Variants in DNAH6 observed in about 807,000 individuals in gnomAD.
The protein encoded by DNAH6 is axonemal beta dynein heavy chain 6.
A neutral mutation model predicts 491.4 loss-of-function variants in DNAH6; 340 were observed. That is an observed-to-expected ratio of 0.69 (90% CI 0.63 to 0.76). The LOEUF is 0.76. Ranked by LOEUF, DNAH6 falls within the 30% of genes least tolerant of loss-of-function variation. The probability of loss-of-function intolerance (pLI) is 0.00; values close to 1 mark genes in which losing one functional copy is unlikely to be tolerated. For synonymous variants in DNAH6, 1,603 were observed against 1,686.1 expected (o/e 0.95, Z 1.21); for missense variants, 4,443 against 4,972.2 (o/e 0.89, Z 3.20).
chr2:84,727,760 A>G lies in DNAH6; in HGVS notation c.10064A>G (p.Tyr3355Cys), dbSNP rs1698775003. The part of the protein sequence containing the change: ...VLLEQTLLTA[Y>C]VNVSRGLFEQ... ...CTAGAACAAACTCTCCTAACTGCTTATGTCAATGTTTCAAGAGGACTTTTT... is the reference window on the plus strand; with the variant it reads ...CTAGAACAAACTCTCCTAACTGCTTGTGTCAATGTTTCAAGAGGACTTTTT... The change falls in exon 61 of 77, where the codon TAT (tyrosine) becomes TGT (cysteine). Residue 3355 changes from tyrosine to cysteine, a missense_variant. Tyr to Cys is a radical substitution (Grantham distance 194). Coordinates refer to ENST00000389394, the MANE Select transcript of DNAH6 (RefSeq NM_001370.2). 1.9e-6 allele frequency: 3 copies of G among 1,551,464 alleles called. No homozygotes were observed. Among genetic ancestry groups the G allele is most frequent in the South Asian group, 1.2e-5 (1 of 84,046 alleles).
At chr2:84,545,773 A>G (rs374149775) in intron 5 of DNAH6, among the ~76,000 whole-genome samples, 28 of 152,314 alleles carry the variant, frequency 1.8e-4, no homozygotes, top group African/African-American at 6.7e-4. Context: ...ATTTATAATT[A>G]GTTAACTAGG....
intron 68 of DNAH6, among the ~76,000 whole-genome samples, chr2:84,792,661 A>C (rs553247720): frequency 6.6e-6 from 1 of 152,218 alleles, no homozygotes; most frequent in African/African-American, 2.4e-5. Flanking sequence ...TGTGTCTTCA[A>C]CAACACTAAA....
At chr2:84,471,014 A>T in the DNAH6 span, among the ~76,000 whole-genome samples, 1 of 152,134 alleles carries the variant, frequency 6.6e-6, no homozygotes, top group South Asian at 2.1e-4. Context: ...TTTATATGGA[A>T]CATGTTCTGC....
At chr2:84,788,301 C>T (rs772960319) in intron 68 of DNAH6, among the ~76,000 whole-genome samples, 4 of 152,188 alleles carry the variant, frequency 2.6e-5, no homozygotes, top group African/African-American at 4.8e-5. Flanking sequence ...CCTTCTCCCT[C>T]TCCTAGAATC....
chr2:84,618,311 A>T (rs1444618471), intron 23 of DNAH6, among the ~76,000 whole-genome samples: 1 of 152,102 alleles, frequency 6.6e-6, no homozygotes, highest in African/African-American at 2.4e-5. Context: ...GACACCTGAA[A>T]ACCAAGGATA....
intron 59 of DNAH6, among the ~76,000 whole-genome samples, chr2:84,721,023 C>T (rs1008260825): frequency 1.3e-5 from 2 of 152,146 alleles, no homozygotes; most frequent in Admixed American, 1.3e-4. Context: ...AAATATGTCT[C>T]ATATTCTCTA....
upstream of DNAH6, among the ~76,000 whole-genome samples, chr2:84,513,574 A>G (rs1675413074): frequency 6.6e-6 from 1 of 152,146 alleles, no homozygotes; most frequent in African/African-American, 2.4e-5. Flanking sequence ...TCTATATTTA[A>G]GAGTTCTAAT....
At chr2:84,600,886 A>G (rs1685141294) in intron 18 of DNAH6, among the ~76,000 whole-genome samples, 1 of 150,480 alleles carries the variant, frequency 6.6e-6, no homozygotes, top group African/African-American at 2.4e-5. Context: ...AAGCATTGAC[A>G]CCCCAGTAGC....
intron 61 of DNAH6, among the ~76,000 whole-genome samples, chr2:84,731,714 A>G (rs72924739): frequency 0.022 from 3,398 of 152,304 alleles, 106 homozygotes; most frequent in African/African-American, 0.074. Context: ...GTGAAAAGCA[A>G]TTGAAAGGAG....
At chr2:84,817,749 G>A (rs189851414) in intron 76 of DNAH6, among the ~76,000 whole-genome samples, 35 of 152,308 alleles carry the variant, frequency 2.3e-4, no homozygotes, top group African/African-American at 8.2e-4. Flanking sequence ...AGAGCCTCAG[G>A]ATGCTTCCAC....
chr2:84,619,868 T>C lies in DNAH6; in HGVS notation c.3756T>C (p.Asn1252=), dbSNP rs1306563270. The change falls in exon 24 of 77, where the codon AAT becomes AAC. Residue 1252 remains asparagine (N), a synonymous_variant. Transcript: ENST00000389394. ...GAGAACCAGAAAAGGTTTATACTAATGATATTTTAGCAATGCTGTCACCAG... is the reference window on the plus strand; with the variant it reads ...GAGAACCAGAAAAGGTTTATACTAACGATATTTTAGCAATGCTGTCACCAG... The part of the protein sequence containing the change: ...IDGEPEKVYT[N]DILAMLSPEG... 1 of 1,551,302 alleles carries C rather than the reference T, an allele frequency of 6.4e-7. No individual in the cohort carries two copies.
intron 18 of DNAH6, among the ~76,000 whole-genome samples, chr2:84,602,795 C>A (rs1454300152): frequency 2.1e-5 from 1 of 47,150 alleles, no homozygotes. Flanking sequence ...CTTGGATGCT[C>A]TGTTTTTTTT....
chr2:84,650,744 A>G (rs532042155), intron 33 of DNAH6, among the ~76,000 whole-genome samples: 1 of 152,266 alleles, frequency 6.6e-6, no homozygotes, highest in African/African-American at 2.4e-5. Context: ...TAAATTTGTC[A>G]GACAGTTTTA....
At chr2:84,707,338 C>A (rs916695773) in intron 53 of DNAH6, among the ~76,000 whole-genome samples, 182 bp from the exon 54 acceptor site, 3 of 152,164 alleles carry the variant, frequency 2.0e-5, no homozygotes, top group Non-Finnish European at 4.4e-5. Context: ...AAGGAAAAGG[C>A]AAACTTAGAC....
chr2:84,580,540 TA>T (rs1278356614), intron 14 of DNAH6, among the ~76,000 whole-genome samples: 1 of 152,130 alleles, frequency 6.6e-6, no homozygotes, highest in Admixed American at 6.6e-5. Flanking sequence ...ATGCTTCAAT[TA>T]AAAAAGTAAA....
At chr2:84,708,640 AAGAAAGAG>A (rs1455832324) in intron 54 of DNAH6, among the ~76,000 whole-genome samples, 1 of 151,932 alleles carries the variant, frequency 6.6e-6, no homozygotes, top group Non-Finnish European at 1.5e-5. Context: ...GAGAGGAAGA[AAGAAAGAG>A]AGAAAGAAAG....
intron 30 of DNAH6, among the ~76,000 whole-genome samples, chr2:84,636,795 G>A (rs148397195): frequency 5.8e-4 from 88 of 152,230 alleles, no homozygotes; most frequent in African/African-American, 1.9e-3. Context: ...GCTGAGGTGT[G>A]AGGTGGAAGG....
intron 64 of DNAH6, among the ~76,000 whole-genome samples, chr2:84,773,413 G>T (rs1214748196): frequency 6.6e-6 from 1 of 152,062 alleles, no homozygotes; most frequent in Admixed American, 6.5e-5. Context: ...TTATGTGGTT[G>T]CATCATATTC....
At chr2:84,511,558 T>G (rs1675331252), upstream of DNAH6, among the ~76,000 whole-genome samples, 1 of 152,194 alleles carries the variant, frequency 6.6e-6, no homozygotes, top group Admixed American at 6.5e-5. Flanking sequence ...CGGCTCACTC[T>G]CGGTGCGCTG....
Sources: gnomAD v4.1 joint callset for allele counts (sites outside exome capture counted in the v4.1 genomes callset) on GRCh38, gnomAD v4.1.1 for gene constraint, MANE v1.5 for transcripts, NCBI Gene and HGNC (gene_info 2026-07-23, HGNC 2026-07-21) for gene names.